Variants in MAN2A1 observed in about 807,000 individuals in gnomAD.
MAN2A1 encodes the protein alpha-mannosidase 2.
Under a neutral mutation model 142.6 loss-of-function variants are expected in MAN2A1, and 76 were observed. The ratio of observed to expected loss-of-function variants is 0.53; its 90% CI spans 0.44 to 0.65. The LOEUF (loss-of-function observed/expected upper bound fraction) is 0.65. Among genes scored for constraint, MAN2A1 ranks in the 30% least tolerant of loss-of-function variants. The pLI, the probability that MAN2A1 is intolerant of heterozygous loss-of-function variation, is 0.00. For missense variants in MAN2A1, 1,311 were observed against 1,365.1 expected, an observed-to-expected ratio of 0.96 and a Z score of 0.62; for synonymous variants, 559 against 473.2, an observed-to-expected ratio of 1.18 and a Z score of -2.35.
At chr5:109,796,417 A>G (rs150313218) in intron 12 of MAN2A1, among the ~76,000 whole-genome samples, 1 of 152,330 alleles carries the variant, frequency 6.6e-6, no homozygotes, top group East Asian at 1.9e-4. Context: ...ACACATACAT[A>G]TCATAATGAT....
intron 15 of MAN2A1, among the ~76,000 whole-genome samples, chr5:109,821,355 C>A (rs1482566331): frequency 6.6e-6 from 1 of 152,100 alleles, no homozygotes; most frequent in Non-Finnish European, 1.5e-5. Flanking sequence ...TTCTTCACTA[C>A]CATAACATTG....
intron 5 of MAN2A1, among the ~76,000 whole-genome samples, chr5:109,760,088 T>G (rs1752802882): frequency 6.6e-6 from 1 of 152,142 alleles, no homozygotes; most frequent in Admixed American, 6.6e-5. Flanking sequence ...GCTGCACCCA[T>G]CAACCTGTCA....
chr5:109,855,334 G>T lies in MAN2A1; in HGVS notation c.3171G>T (p.Lys1057Asn). The change falls in exon 20 of 22, where the codon AAG becomes AAT. Residue 1057 changes from lysine to asparagine, a missense_variant and splice_region_variant. Lys to Asn is a moderately conservative substitution (Grantham distance 94). Around this residue, in one of 3 missense-constraint regions of MAN2A1, gnomAD observed 890 missense variants for 920.5 expected, o/e 0.97. Transcript: ENST00000261483. ...TTAATTTGAGAACAATACAGTCAAA[G>T]GTATGTCTCAAAATATATCTTATAA... ...HLVNLRTIQS[K>N]VGNGHSNEAA... 1 of 1,550,344 alleles carries T rather than the reference G, an allele frequency of 6.5e-7. No individual in the cohort carries two copies. Among genetic ancestry groups the T allele is most frequent in the South Asian group, 1.3e-5 (1 of 79,296 alleles).
At chr5:109,807,669 CA>C (rs1414271471) in intron 12 of MAN2A1, among the ~76,000 whole-genome samples, 1 of 152,152 alleles carries the variant, frequency 6.6e-6, no homozygotes, top group Non-Finnish European at 1.5e-5. Context: ...CCCACCTAGA[CA>C]GCCCCGAATG....
intron 17 of MAN2A1, among the ~76,000 whole-genome samples, chr5:109,842,784 A>T (rs1438724717): frequency 7.0e-6 from 1 of 143,088 alleles, no homozygotes; most frequent in Non-Finnish European, 1.5e-5. Context: ...ATAATTAGGG[A>T]TTGATGGATT....
intron 4 of MAN2A1, among the ~76,000 whole-genome samples, chr5:109,752,333 A>C (rs1356633460): frequency 1.3e-5 from 2 of 152,168 alleles, no homozygotes; most frequent in African/African-American, 4.8e-5. Flanking sequence ...TTCTAATATA[A>C]AAACTGTAGG....
chr5:109,816,639 A>T (rs1382598435), intron 12 of MAN2A1, among the ~76,000 whole-genome samples: 1 of 152,072 alleles, frequency 6.6e-6, no homozygotes, highest in African/African-American at 2.4e-5. Flanking sequence ...TTTAACTGGA[A>T]CTCATTGTGA....
At chr5:109,829,566 C>T (rs938267777) in intron 16 of MAN2A1, among the ~76,000 whole-genome samples, 1 of 152,188 alleles carries the variant, frequency 6.6e-6, no homozygotes, top group Non-Finnish European at 1.5e-5. Context: ...CCATTTCCAC[C>T]TCTTGGTAGC....
In MAN2A1 at chr5:109,867,038, A is replaced by C; in HGVS notation, c.*40A>C. 1 of 1,571,790 alleles carries C rather than the reference A, an allele frequency of 6.4e-7. No homozygotes were observed. The highest frequency in any genetic ancestry group is 8.7e-7 in the Non-Finnish European group (1 of 1,154,828). ...TTTGGATTGAGAATCATTGGCTTTT[A>C]TACCTTTCTTGGTTTGACGTGCAAT... On this transcript the variant is annotated 3_prime_UTR_variant, in exon 22 of 22. Coordinates refer to ENST00000261483, the MANE Select transcript of MAN2A1 (RefSeq NM_002372.4).
At chr5:109,796,259 C>A (rs935753394) in intron 12 of MAN2A1, among the ~76,000 whole-genome samples, 1 of 152,050 alleles carries the variant, frequency 6.6e-6, no homozygotes, top group African/African-American at 2.4e-5. Flanking sequence ...TTTAGAGAAA[C>A]CTAAGCTTGG....
chr5:109,767,230 C>A (rs916249526), intron 5 of MAN2A1, among the ~76,000 whole-genome samples: 1 of 152,152 alleles, frequency 6.6e-6, no homozygotes, highest in Non-Finnish European at 1.5e-5. Context: ...TTATTCTCTA[C>A]CTCTAGTTAA....
At chr5:109,768,054 CTT>C (rs1753041572) in intron 6 of MAN2A1, among the ~76,000 whole-genome samples, 1 of 152,182 alleles carries the variant, frequency 6.6e-6, no homozygotes, top group Non-Finnish European at 1.5e-5. Flanking sequence ...AGTCATATAT[CTT>C]ATATTCAGCC....
At chr5:109,804,215 C>A (rs939831090) in intron 12 of MAN2A1, 12 of 986,874 alleles carry the variant, frequency 1.2e-5, no homozygotes, top group African/African-American at 1.7e-5. Flanking sequence ...GTATCCTGAT[C>A]CTGAAAAAGT....
At chr5:109,718,944 C>T (rs1012804204) in intron 3 of MAN2A1, among the ~76,000 whole-genome samples, 1 of 146,482 alleles carries the variant, frequency 6.8e-6, no homozygotes, top group Non-Finnish European at 1.5e-5. Context: ...CTTTTAAGTT[C>T]CCTCCTTCCT....
chr5:109,778,425 A>G (rs1354098215), intron 8 of MAN2A1, among the ~76,000 whole-genome samples: 1 of 152,092 alleles, frequency 6.6e-6, no homozygotes, highest in Non-Finnish European at 1.5e-5. Flanking sequence ...GTGAAAGCAG[A>G]CATAATTTTC....
At chr5:109,811,180 T>G (rs898823949) in intron 12 of MAN2A1, among the ~76,000 whole-genome samples, 3 of 152,112 alleles carry the variant, frequency 2.0e-5, no homozygotes, top group Admixed American at 6.5e-5. Flanking sequence ...TGTTTCAAAA[T>G]TTACATTTAT....
intron 3 of MAN2A1, among the ~76,000 whole-genome samples, chr5:109,726,344 A>T (rs1370958): frequency 6.6e-6 from 1 of 152,050 alleles, no homozygotes; most frequent in African/African-American, 2.4e-5. Flanking sequence ...GTGTAAAAGG[A>T]AATACTTGAT....
At position 109,868,055 on chromosome 5, in the gene MAN2A1, A is replaced by G. The variant is rs867966340; in HGVS notation, c.*1057A>G. On this transcript the variant is annotated 3_prime_UTR_variant, in exon 22 of 22. Transcript: ENST00000261483. ...TGAATGTACTGAGATGTCAGAAAAC[A>G]AAACAAGGAAGGAAAATATTGTTAA... 85 of 152,212 alleles carry G rather than the reference A, an allele frequency of 5.6e-4. 1 individual carries two copies. Among genetic ancestry groups the G allele is most frequent in the African/African-American group, 2.0e-3 (84 of 41,450 alleles). 9.4% of individuals were successfully genotyped at this position (152,212 alleles called of 1,614,324 possible). A position where few individuals can be genotyped will look rare whatever the true frequency, so the allele number is the denominator to read the frequency against.
intron 12 of MAN2A1, among the ~76,000 whole-genome samples, chr5:109,802,182 T>C (rs1358844282): frequency 6.6e-6 from 1 of 152,186 alleles, no homozygotes; most frequent in Non-Finnish European, 1.5e-5. Flanking sequence ...TGATTTATAC[T>C]GTACTGTGTA....
Sources: allele counts gnomAD v4.1 joint callset (sites outside exome capture counted in the v4.1 genomes callset), GRCh38; gene constraint gnomAD v4.1.1; regional missense constraint gnomAD v4.1.1; transcripts MANE v1.5; gene names NCBI Gene and HGNC (gene_info 2026-07-23, HGNC 2026-07-21).